The following CCDC77 variants were observed in gnomAD, a reference collection of about 807,000 sequenced individuals.
CCDC77 encodes the protein coiled-coil domain-containing protein 77.
A neutral mutation model predicts 66.8 loss-of-function variants in CCDC77; 56 were observed. The observed-to-expected ratio is 0.84, with a 90% CI of 0.68 to 1.05. The LOEUF (loss-of-function observed/expected upper bound fraction) is 1.05. Among genes scored for constraint, CCDC77 ranks in the 50% least tolerant of loss-of-function variants. The probability of loss-of-function intolerance (pLI) is 0.00; values close to 1 mark genes in which losing one functional copy is unlikely to be tolerated. For synonymous variants in CCDC77, 196 were observed against 195.2 expected, an observed-to-expected ratio of 1.00 and a Z score of -0.03; for missense variants, 570 against 576.8, an observed-to-expected ratio of 0.99 and a Z score of 0.12.
chr12:413,578 C>T (rs1002787944), intron 4 of CCDC77, among the ~76,000 whole-genome samples: 1 of 151,164 alleles, frequency 6.6e-6, no homozygotes, highest in Non-Finnish European at 1.5e-5. Flanking sequence ...TCTTTCTTTT[C>T]CCAGTCACAC....
At chr12:406,786 A>C (rs1747527585) in intron 2 of CCDC77, among the ~76,000 whole-genome samples, 1 of 152,212 alleles carries the variant, frequency 6.6e-6, no homozygotes, top group African/African-American at 2.4e-5. Flanking sequence ...GTCTCTACTA[A>C]AAATACAAAA....
chr12:437,845 T>TAAA (rs3043231), intron 9 of CCDC77, among the ~76,000 whole-genome samples: 2,309 of 124,418 alleles, frequency 0.019, 86 homozygotes, highest in African/African-American at 0.062. Flanking sequence ...GACCCTGTCT[T>TAAA]AAAAAAAAAA....
At chr12:389,417 A>C in exon 1 of CCDC77, 3 of 501,664 alleles carry the variant, frequency 6.0e-6, no homozygotes, top group South Asian at 4.1e-5. Flanking sequence ...CCGGCAGCAC[A>C]GTGTGGCTGT....
Position 440,639 on chromosome 12 carries a change from A to G in CCDC77, c.1064A>G (p.Gln355Arg). 6.2e-7 allele frequency: 1 copy of G among 1,614,196 alleles called. No individual in the cohort carries two copies. Among genetic ancestry groups the G allele is most frequent in the Non-Finnish European group, 8.5e-7 (1 of 1,180,022 alleles). The stretch of plus-strand genomic sequence containing the variant: ...TAGTCCCTAAAAGATAAGTTAGTAC[A>G]AGAGAAAAAGCTGTCCAATATGTAC... Reference protein sequence around the residue: ...YIKSLKDKLVQEKKLSNMYQE... With the variant: ...YIKSLKDKLVREKKLSNMYQE... Residue 355 changes from glutamine (Q) to arginine (R), a missense_variant, in exon 11 of 13, where the codon CAA becomes CGA. By Grantham distance (43) the Gln-to-Arg change is conservative. Coordinates refer to ENST00000239830, the MANE Select transcript of CCDC77 (RefSeq NM_032358.4).
At chr12:404,596 C>T (rs539767530) in intron 1 of CCDC77, among the ~76,000 whole-genome samples, 2 of 152,174 alleles carry the variant, frequency 1.3e-5, no homozygotes, top group South Asian at 2.1e-4. Context: ...AGCAAGGCCC[C>T]GTCTTGCAGC....
At chr12:416,084 G>A (rs1306575791) in intron 4 of CCDC77, among the ~76,000 whole-genome samples, 1 of 151,708 alleles carries the variant, frequency 6.6e-6, no homozygotes, top group Admixed American at 6.6e-5. Context: ...GAGATTACAG[G>A]TGTGAGCCAC....
intron 5 of CCDC77, among the ~76,000 whole-genome samples, chr12:426,176 A>G (rs1234236455): frequency 6.6e-6 from 1 of 152,138 alleles, no homozygotes. Flanking sequence ...ATTCTTTTAT[A>G]CTGTATTGAC....
At chr12:390,575 C>T (rs1172247770) in intron 1 of CCDC77, among the ~76,000 whole-genome samples, 2 of 152,134 alleles carry the variant, frequency 1.3e-5, no homozygotes, top group African/African-American at 4.8e-5. Flanking sequence ...AAAGACTGAC[C>T]TTCCATGAGC....
chr12:392,299 A>G (rs1944766983), intron 1 of CCDC77, among the ~76,000 whole-genome samples: 1 of 152,224 alleles, frequency 6.6e-6, no homozygotes, highest in South Asian at 2.1e-4. Flanking sequence ...AAAAAATGCA[A>G]TAAAACCTCA....
chr12:438,295 G>A (rs766785494), intron 9 of CCDC77, 40 bp from the exon 10 acceptor site: 27 of 1,354,206 alleles, frequency 2.0e-5, no homozygotes, highest in Middle Eastern at 1.8e-4. Context: ...GGTGTGCTGT[G>A]TGCGCATCCT....
At chr12:399,001 G>A (rs762543454), upstream of CCDC77, among the ~76,000 whole-genome samples, 6 of 151,910 alleles carry the variant, frequency 3.9e-5, no homozygotes, top group African/African-American at 9.7e-5. Context: ...ATCCACCCAC[G>A]TTGGCCTTCC....
rs139785486 is a variant in CCDC77 at position 441,790 on chromosome 12, G to A, written c.1337G>A (p.Arg446Gln). Reference sequence around the variant, plus strand: ...AACCCCTAGGCAACAGTTAATGCCCGGGCAAACCAGGATCTTGCCCTTCTG... The same window carrying A: ...AACCCCTAGGCAACAGTTAATGCCCAGGCAAACCAGGATCTTGCCCTTCTG... Reference protein sequence around the residue: ...QMLYKATVNARANQDLALLCE... With the variant: ...QMLYKATVNAQANQDLALLCE... The change falls in exon 13 of 13, where the codon CGG becomes CAG. Residue 446 changes from arginine to glutamine, a missense_variant. Coordinates refer to ENST00000239830, the MANE Select transcript of CCDC77 (RefSeq NM_032358.4). 98 of 1,610,080 alleles carry A rather than the reference G, an allele frequency of 6.1e-5. No individual in the cohort carries two copies. The highest frequency in any genetic ancestry group is 7.7e-5 in the Non-Finnish European group (91 of 1,178,854).
exon 1 of CCDC77, chr12:389,426 GTT>G (rs1944704129): frequency 4.1e-6 from 2 of 490,560 alleles, no homozygotes; most frequent in East Asian, 7.3e-5. Flanking sequence ...CAGTGTGGCT[GTT>G]TGTCTCCTTG....
chr12:401,492 G>A (rs1944893623), upstream of CCDC77: 4 of 152,282 alleles, frequency 2.6e-5, no homozygotes, highest in South Asian at 6.2e-4. Context: ...TGCGCGGTCG[G>A]GAGCACCGCG....
intron 4 of CCDC77, among the ~76,000 whole-genome samples, chr12:412,819 C>G (rs538307423): frequency 6.6e-6 from 1 of 152,272 alleles, no homozygotes; most frequent in East Asian, 1.9e-4. Context: ...GTGCCATACC[C>G]TCACCTCTAG....
rs75438267 is a variant in CCDC77 at position 405,022 on chromosome 12, G to A, written c.-70-489G>A. Among the ~76,000 whole-genome samples the A allele has an allele frequency of 5.2e-3, 796 of 152,172 alleles. 9 individuals are homozygous for A. The highest frequency in any genetic ancestry group is 0.014 in the African/African-American group (599 of 41,532). ...CAGGCAGGAGCCACTGTGCCCAGCCGCTTCAAATTACTCTTAAATGGCTTT... is the reference window on the plus strand; with the variant it reads ...CAGGCAGGAGCCACTGTGCCCAGCCACTTCAAATTACTCTTAAATGGCTTT... On this transcript the variant is annotated intron_variant, in intron 1 of 12. Coordinates refer to ENST00000239830, the MANE Select transcript of CCDC77 (RefSeq NM_032358.4).
chr12:389,476 G>C (rs1175065029), exon 1 of CCDC77: 1 of 390,052 alleles, frequency 2.6e-6, no homozygotes, highest in African/African-American at 2.1e-5. Context: ...ACTCCACGCA[G>C]CTCGCCCTTG....
chr12:401,090 T>C (rs1254488190), upstream of CCDC77, among the ~76,000 whole-genome samples: 1 of 152,202 alleles, frequency 6.6e-6, no homozygotes, highest in Non-Finnish European at 1.5e-5. Flanking sequence ...AACTTGCTTT[T>C]ATCATTAAAG....
intron 5 of CCDC77, among the ~76,000 whole-genome samples, chr12:424,210 A>G (rs1945487955): frequency 6.6e-6 from 1 of 152,038 alleles, no homozygotes; most frequent in African/African-American, 2.4e-5. Context: ...AGCTCAAGTG[A>G]TCCTCACCTC....
Sources: gnomAD v4.1 joint callset for allele counts (sites outside exome capture counted in the v4.1 genomes callset) on GRCh38, gnomAD v4.1.1 for gene constraint, MANE v1.5 for transcripts, NCBI Gene and HGNC (gene_info 2026-07-23, HGNC 2026-07-21) for gene names.